Variants in CPAMD8 observed in about 807,000 individuals in gnomAD.
The protein encoded by CPAMD8 is C3 and PZP like alpha-2-macroglobulin domain containing 8.
Under a neutral mutation model 224.7 loss-of-function variants are expected in CPAMD8, and 146 were observed. The observed-to-expected ratio is 0.65, with a 90% CI of 0.57 to 0.75. The LOEUF is 0.75. CPAMD8 is among the 30% of genes least tolerant of loss of function. CPAMD8 has a pLI of 0.00. For synonymous variants in CPAMD8, 966 were observed against 1,044.6 expected (o/e 0.92, Z 1.45); for missense variants, 2,301 against 2,537.5 (o/e 0.91, Z 2.00).
intron 23 of CPAMD8, among the ~76,000 whole-genome samples, chr19:16,937,105 T>C (rs936759446): frequency 3.3e-5 from 5 of 150,534 alleles, no homozygotes; most frequent in African/African-American, 1.2e-4. Flanking sequence ...CCTTCCTTTC[T>C]TCCTTCCCTC....
intron 13 of CPAMD8, among the ~76,000 whole-genome samples, chr19:16,988,201 G>C (rs905316347): frequency 6.6e-6 from 1 of 152,178 alleles, no homozygotes; most frequent in Non-Finnish European, 1.5e-5. Context: ...CAAGGCAGTG[G>C]GGAATCTGGC....
In CPAMD8 at chr19:16,914,685, A is replaced by C. The variant is rs2052872516; in HGVS notation, c.3758T>G (p.Val1253Gly). Residue 1253 changes from valine to glycine, a missense_variant, in exon 28 of 42, where the codon GTG becomes GGG. Physicochemically the swap from Val to Gly is moderately radical, Grantham distance 109 (BLOSUM62 -3). Around this residue, in one of 4 missense-constraint regions of CPAMD8, gnomAD observed 1,709 missense variants for 1,753.2 expected, o/e 0.97. Transcript: ENST00000443236. Reference protein sequence around the residue: ...QQQADGSFLAVGRVLNKDIQG... With the variant: ...QQQADGSFLAGGRVLNKDIQG... The stretch of plus-strand genomic sequence containing the variant: ...GATGTCCTTGTTCAGGACCCTGCCC[A>C]CGGCCAGGAAGGAGCCATCGGCCTG... 2 of 1,613,904 alleles carry C rather than the reference A, an allele frequency of 1.2e-6. No homozygotes were observed. Among genetic ancestry groups the C allele is most frequent in the Non-Finnish European group, 8.5e-7 (1 of 1,179,926 alleles).
Position 16,899,355 on chromosome 19 carries a change from C to G in CPAMD8, c.4848+120G>C. 1.6e-6 allele frequency: 1 copy of G among 644,320 alleles called. No homozygotes were observed. Among genetic ancestry groups the G allele is most frequent in the Non-Finnish European group, 2.9e-6 (1 of 347,486 alleles). 39.9% of individuals were successfully genotyped at this position (644,320 alleles called of 1,614,324 possible). ...TACAGGCATGAGCCACCATGCCCGG[C>G]CCCAGTGTCTTTTTTATGGTACAAG... On this transcript the variant is annotated intron_variant, in intron 37 of 41. Coordinates refer to ENST00000443236, the MANE Select transcript of CPAMD8 (RefSeq NM_015692.5). The surrounding 1 kb of genome is among the most constrained non-coding windows in gnomAD (Gnocchi z 5.4).
chr19:17,004,530 C>T, intron 7 of CPAMD8, 144 bp from the exon 8 acceptor site: 1 of 599,690 alleles, frequency 1.7e-6, no homozygotes, highest in East Asian at 2.9e-5. Flanking sequence ...CTGGCGGGGT[C>T]TGTGCAGAGC....
intron 5 of CPAMD8, among the ~76,000 whole-genome samples, chr19:17,009,959 C>A (rs1018253888): frequency 6.6e-6 from 1 of 152,206 alleles, no homozygotes; most frequent in Non-Finnish European, 1.5e-5. Context: ...CACAAGGAAC[C>A]AGGAGACCAT....
In CPAMD8 at chr19:16,928,226, A is replaced by G; in HGVS notation, c.3153T>C (p.His1051=). 1 of 1,609,330 alleles carries G rather than the reference A, an allele frequency of 6.2e-7. No individual in the cohort carries two copies. The highest frequency in any genetic ancestry group is 8.5e-7 in the Non-Finnish European group (1 of 1,176,318). The part of the protein sequence containing the change: ...SWRGGLIQVG[H]GPEPSNESVI... ...CAGACTCATTGGATGGCTCTGGACC[A>G]TGGCCAACCTGGAAAAAGAAACCAA... Residue 1051 remains histidine (H), a synonymous_variant, in exon 25 of 42, where the codon CAT becomes CAC. Coordinates refer to ENST00000443236, the MANE Select transcript of CPAMD8 (RefSeq NM_015692.5).
intron 26 of CPAMD8, among the ~76,000 whole-genome samples, chr19:16,923,448 C>G (rs539671189): frequency 2.0e-4 from 30 of 152,236 alleles, no homozygotes; most frequent in African/African-American, 7.2e-4. Context: ...GTGGTCTGAG[C>G]CTCAGGAAGG....
chr19:16,901,069 G>C (rs924608606), intron 36 of CPAMD8, 141 bp downstream of exon 36: 11 of 594,868 alleles, frequency 1.8e-5, no homozygotes, highest in Non-Finnish European at 2.7e-5. Flanking sequence ...GGAAGGGGGA[G>C]GGGGAGAGGG....
intron 8 of CPAMD8, among the ~76,000 whole-genome samples, chr19:17,003,198 T>C (rs1019418555): frequency 6.6e-6 from 1 of 151,430 alleles, no homozygotes; most frequent in Non-Finnish European, 1.5e-5. Context: ...CTGCCATGCC[T>C]GGCCACCTTT....
Position 16,893,087 on chromosome 19 carries a change from C to T in CPAMD8, c.*21G>A. The T allele has an allele frequency of 8.9e-7, 1 of 1,124,048 alleles. No homozygotes were observed. The highest frequency in any genetic ancestry group is 1.4e-6 in the Non-Finnish European group (1 of 734,758). 69.6% of individuals were successfully genotyped at this position (1,124,048 alleles called of 1,614,324 possible). ...TCCCCAGGACCAAACTGCGGTCCCACAACTGCATGTGGTTGTAGGATTATC... is the reference window on the plus strand; with the variant it reads ...TCCCCAGGACCAAACTGCGGTCCCATAACTGCATGTGGTTGTAGGATTATC... On this transcript the variant is annotated 3_prime_UTR_variant, in exon 42 of 42. Transcript: ENST00000443236.
At chr19:16,951,726 C>T (rs909063698) in intron 20 of CPAMD8, among the ~76,000 whole-genome samples, 3 of 152,130 alleles carry the variant, frequency 2.0e-5, no homozygotes, top group African/African-American at 4.8e-5. Flanking sequence ...CCGGCTTTGA[C>T]GGTTGGTGAA....
chr19:16,972,518 C>T (rs1415408061), intron 17 of CPAMD8, among the ~76,000 whole-genome samples: 4 of 151,928 alleles, frequency 2.6e-5, no homozygotes, highest in African/African-American at 4.8e-5. Flanking sequence ...CTGTAAGCTC[C>T]GCCTCCCAGG....
At chr19:16,922,592 C>T (rs2053219427) in intron 26 of CPAMD8, among the ~76,000 whole-genome samples, 1 of 149,518 alleles carries the variant, frequency 6.7e-6, no homozygotes, top group South Asian at 2.1e-4. Flanking sequence ...CCCGAAACTG[C>T]TCCACATCAC....
intron 27 of CPAMD8, among the ~76,000 whole-genome samples, chr19:16,919,565 A>G (rs1383197354): frequency 6.6e-6 from 1 of 152,254 alleles, no homozygotes; most frequent in Non-Finnish European, 1.5e-5. Flanking sequence ...TTCCTGATCC[A>G]TAAGAATTAA....
At chr19:16,903,208 A>T (rs1232366792) in intron 34 of CPAMD8, among the ~76,000 whole-genome samples, 1 of 151,900 alleles carries the variant, frequency 6.6e-6, no homozygotes, top group Non-Finnish European at 1.5e-5. Context: ...TTGCCCTCTG[A>T]CTGCCAGTCA....
chr19:16,897,974 C>T lies in CPAMD8; in HGVS notation c.4869G>A (p.Thr1623=), dbSNP rs575118196. The change falls in exon 38 of 42, where the codon ACG becomes ACA. Residue 1623 remains threonine (T), a synonymous_variant. Transcript: ENST00000443236. ...CCCGGAGAGCACGGAACCGCACGCA[C>T]GTCAGGCACCGGCTGGGGATCTGTG... is the stretch of plus-strand genomic sequence containing the variant. ...YFDEIPSRCL[T]CVRFRALREC... is the part of the protein sequence containing the mutation. The T allele has an allele frequency of 6.2e-6, 10 of 1,610,862 alleles. No homozygotes were observed. The African/African-American group carries it at 8.0e-5, about 13-fold the overall frequency.
chr19:16,909,744 C>A (rs1335459006), intron 29 of CPAMD8, among the ~76,000 whole-genome samples: 6 of 148,676 alleles, frequency 4.0e-5, no homozygotes, highest in African/African-American at 4.9e-5. Context: ...AACTTCGTCT[C>A]AAAAAAAAAA....
At position 16,987,167 on chromosome 19, in the gene CPAMD8, AAAAAAAAAAAAAATATATATATAT is replaced by A. The variant is rs1279905504; in HGVS notation, c.1395+2452_1395+2475del. ...GAGACTCTGTCAAAAAAAAAAAAAAAAAAAAAAAAAAAATATATATATATATATATATATATATATATGTATATG... is the reference window on the plus strand; with the variant it reads ...GAGACTCTGTCAAAAAAAAAAAAAAAATATATATATATATATATGTATATG... On this transcript the variant is annotated intron_variant, in intron 13 of 41. Coordinates refer to ENST00000443236, the MANE Select transcript of CPAMD8 (RefSeq NM_015692.5). Among the ~76,000 whole-genome samples, 4 of 96,524 alleles carry A rather than the reference AAAAAAAAAAAAAATATATATATAT, an allele frequency of 4.1e-5. 1 individual carries two copies. Among genetic ancestry groups the A allele is most frequent in the African/African-American group, 9.9e-5 (2 of 20,206 alleles). 63.3% of individuals were successfully genotyped at this position (96,524 alleles called of 152,430 possible).
At chr19:16,999,699 A>G (rs1381593191) in intron 10 of CPAMD8, among the ~76,000 whole-genome samples, 1 of 152,182 alleles carries the variant, frequency 6.6e-6, no homozygotes, top group African/African-American at 2.4e-5. Flanking sequence ...TTTATTTTAG[A>G]GATGGGATCT....
Sources: allele counts gnomAD v4.1 joint callset (sites outside exome capture counted in the v4.1 genomes callset), GRCh38; gene constraint gnomAD v4.1.1; regional missense constraint gnomAD v4.1.1; non-coding constraint Gnocchi (gnomAD v3.1); transcripts MANE v1.5; gene names NCBI Gene and HGNC (gene_info 2026-07-23, HGNC 2026-07-21).